The following GPCPD1 variants were observed in gnomAD, a reference collection of about 807,000 sequenced individuals.
GPCPD1 encodes glycerophosphocholine phosphodiesterase GPCPD1.
GPCPD1 carries 29 observed loss-of-function variants against 89.2 expected under a neutral mutation model. The observed-to-expected ratio is 0.33, with a 90% CI of 0.24 to 0.44. The LOEUF is 0.44. Ranked by LOEUF, GPCPD1 falls within the 20% of genes least tolerant of loss-of-function variation. GPCPD1 has a pLI of 1.00. For synonymous variants in GPCPD1, 258 were observed against 266.3 expected (o/e 0.97, Z 0.30); for missense variants, 594 against 808.9 (o/e 0.73, Z 3.22).
chr20:5,561,531 C>T lies in GPCPD1; in HGVS notation c.1330-1G>A. 1.3e-6 allele frequency: 2 copies of T among 1,581,370 alleles called. No individual in the cohort carries two copies. The highest frequency in any genetic ancestry group is 1.7e-6 in the Non-Finnish European group (2 of 1,153,692). ...CATCTTCTGGCAAAGACTCTAAAAC[C>T]TACAGTTTTGTTTGTTGGTAAATTT... On this transcript the variant is annotated splice_acceptor_variant, in intron 15 of 19. Transcript: ENST00000379019. LOFTEE classifies it high-confidence loss of function.
intron 19 of GPCPD1, among the ~76,000 whole-genome samples, chr20:5,555,532 C>G (rs1375407321): frequency 6.6e-6 from 1 of 151,118 alleles, no homozygotes; most frequent in Non-Finnish European, 1.5e-5. Context: ...GAGCGAGACT[C>G]AATCTCAAAA....
intron 19 of GPCPD1, among the ~76,000 whole-genome samples, chr20:5,557,566 A>G (rs1241501941): frequency 6.6e-6 from 1 of 152,174 alleles, no homozygotes; most frequent in Non-Finnish European, 1.5e-5. Context: ...AAAAGTCTAC[A>G]GAGGTCTAGG....
chr20:5,579,579 C>T lies in GPCPD1; in HGVS notation c.473+429G>A, dbSNP rs374125781. Among the ~76,000 whole-genome samples, 7 of 152,300 alleles carry T rather than the reference C, an allele frequency of 4.6e-5. No homozygotes were observed. The East Asian group carries it at 1.2e-3, about 25-fold the overall frequency. On this transcript the variant is annotated intron_variant, in intron 7 of 19. Transcript: ENST00000379019. ...GCCAGTCTGGTCTTGAACTCCCGAC[C>T]TCAGGTGATCTGCCCACCTCGGCCT...
In GPCPD1 at chr20:5,584,383, C is replaced by T. The variant is rs551092894; in HGVS notation, c.308-61G>A. On this transcript the variant is annotated intron_variant, in intron 5 of 19. Transcript: ENST00000379019. ...CTCTTGATGCATACCCAGTGAACAA[C>T]TGAGAAATTACCCACCTTAAAGATC... The T allele has an allele frequency of 1.2e-4, 85 of 738,312 alleles. 1 individual carries two copies. The South Asian group carries it at 1.3e-3, about 11-fold the overall frequency. The allele number at this position is 738,312 out of a possible 1,614,324, so 45.7% of individuals were successfully genotyped here.
rs1343308421 is a variant in GPCPD1, at chr20:5,544,977, G to C, written c.*2684C>G. The C allele has an allele frequency of 6.6e-6, 1 of 152,148 alleles. No homozygotes were observed. Among genetic ancestry groups the C allele is most frequent in the Non-Finnish European group, 1.5e-5 (1 of 68,040 alleles). The allele number at this position is 152,148 out of a possible 1,614,324, so 9.4% of individuals were successfully genotyped here. A position where few individuals can be genotyped will look rare whatever the true frequency, so the allele number is the denominator to read the frequency against. On this transcript the variant is annotated 3_prime_UTR_variant, in exon 20 of 20. Coordinates refer to ENST00000379019, the MANE Select transcript of GPCPD1 (RefSeq NM_019593.5). ...AAGCGCCACAACACTTTCCACACAGGGGTGGGTGGTGTGCCTCACATTTAC... is the reference window on the plus strand; with the variant it reads ...AAGCGCCACAACACTTTCCACACAGCGGTGGGTGGTGTGCCTCACATTTAC...
chr20:5,576,419 CAAAA>C (rs11286776), intron 8 of GPCPD1, among the ~76,000 whole-genome samples: 2 of 90,786 alleles, frequency 2.2e-5, no homozygotes, highest in Non-Finnish European at 2.1e-5. Context: ...CACTCCATCT[CAAAA>C]AAAAAAAAAA....
chr20:5,607,960 T>G (rs1980710704), intron 1 of GPCPD1, among the ~76,000 whole-genome samples: 1 of 152,236 alleles, frequency 6.6e-6, no homozygotes, highest in South Asian at 2.1e-4. Flanking sequence ...CATTTGGTGT[T>G]TACTGCTGCG....
intron 4 of GPCPD1, among the ~76,000 whole-genome samples, chr20:5,592,807 T>A (rs1421097403): frequency 6.6e-6 from 1 of 152,202 alleles, no homozygotes. Flanking sequence ...AGAATAGATA[T>A]GCCAAAGGCC....
chr20:5,547,708 C>A lies in GPCPD1; in HGVS notation c.1972G>T (p.Asp658Tyr). ...FVPSSLCGES[D>Y]IHVDANGIDN... is the part of the protein sequence containing the mutation. ...ATGCCGTTGGCATCCACATGGATAT[C>A]AGACTCCCCACACAAAGATGAGGGA... The change falls in exon 20 of 20, where the codon GAT (aspartate) becomes TAT (tyrosine). Residue 658 changes from aspartate (D) to tyrosine (Y), a missense_variant. Asp to Tyr is a radical substitution (Grantham distance 160, BLOSUM62 -3). Coordinates refer to ENST00000379019, the MANE Select transcript of GPCPD1 (RefSeq NM_019593.5). 6.2e-7 allele frequency: 1 copy of A among 1,610,984 alleles called. No individual in the cohort carries two copies.
chr20:5,549,104 C>T (rs1416686193), intron 19 of GPCPD1: 4 of 650,542 alleles, frequency 6.1e-6, no homozygotes, highest in Non-Finnish European at 1.1e-5. Context: ...TGACTACTCA[C>T]TTTTTAAGGA....
At position 5,575,448 on chromosome 20, in the gene GPCPD1, G is replaced by T. The variant is rs755451663; in HGVS notation, c.966C>A (p.Gly322=). 1 of 1,607,792 alleles carries T rather than the reference G, an allele frequency of 6.2e-7. No homozygotes were observed. The highest frequency in any genetic ancestry group is 1.1e-5 in the South Asian group (1 of 90,778). The change falls in exon 10 of 20, where the codon GGC becomes GGA. Residue 322 remains glycine, a synonymous_variant. Coordinates refer to ENST00000379019, the MANE Select transcript of GPCPD1 (RefSeq NM_019593.5). ...TTGTAGAGTTTCCTGCACCTCGATG[G>T]CCAACATCCAATGGTATTCTTGGCT... is the stretch of plus-strand genomic sequence containing the variant. ...YWKPRIPLDV[G]HRGAGNSTTT... is the part of the protein sequence containing the mutation.
chr20:5,544,828 A>C lies in GPCPD1; in HGVS notation c.*2833T>G, dbSNP rs1042622839. 2 of 152,316 alleles carry C rather than the reference A, an allele frequency of 1.3e-5. No individual in the cohort carries two copies. Among genetic ancestry groups the C allele is most frequent in the African/African-American group, 4.8e-5 (2 of 41,442 alleles). The allele number at this position is 152,316 out of a possible 1,614,324, so 9.4% of individuals were successfully genotyped here. A position where few individuals can be genotyped will look rare whatever the true frequency, so the allele number is the denominator to read the frequency against. On this transcript the variant is annotated 3_prime_UTR_variant, in exon 20 of 20. Coordinates refer to ENST00000379019, the MANE Select transcript of GPCPD1 (RefSeq NM_019593.5). ...CTGCACCTGAGCGGGACACTGAAGG[A>C]AGGCAAAGGAGGTGTTTCAGACAAG... is the stretch of plus-strand genomic sequence containing the variant.
intron 14 of GPCPD1, among the ~76,000 whole-genome samples, chr20:5,566,102 T>A (rs1427248116): frequency 1.3e-5 from 2 of 152,166 alleles, no homozygotes; most frequent in Admixed American, 1.3e-4. Context: ...ACAATCTTTA[T>A]AAAGATATTA....
At chr20:5,577,913 C>T (rs1400983465) in intron 8 of GPCPD1, among the ~76,000 whole-genome samples, 1 of 152,176 alleles carries the variant, frequency 6.6e-6, no homozygotes, top group African/African-American at 2.4e-5. Flanking sequence ...TAACCTGGCA[C>T]AAGCTTTATA....
At chr20:5,603,292 C>CA (rs975951852) in intron 2 of GPCPD1, among the ~76,000 whole-genome samples, 16 of 150,336 alleles carry the variant, frequency 1.1e-4, no homozygotes, top group African/African-American at 2.9e-4. Flanking sequence ...CACTCCATCT[C>CA]AAAAAAAAAG....
intron 2 of GPCPD1, among the ~76,000 whole-genome samples, chr20:5,604,036 T>G (rs1167945895): frequency 6.6e-6 from 1 of 152,190 alleles, no homozygotes; most frequent in Non-Finnish European, 1.5e-5. Context: ...CATAAGCCAC[T>G]GCGCCCGGCC....
chr20:5,547,710 G>A lies in GPCPD1; in HGVS notation c.1970C>T (p.Ser657Phe), dbSNP rs1255182858. 3.7e-6 allele frequency: 6 copies of A among 1,610,724 alleles called. No individual in the cohort carries two copies. The highest frequency in any genetic ancestry group is 1.3e-5 in the African/African-American group (1 of 74,840). The change falls in exon 20 of 20, where the codon TCT becomes TTT. Residue 657 changes from serine (S) to phenylalanine (F), a missense_variant. Physicochemically the swap from Ser to Phe is radical, Grantham distance 155 (BLOSUM62 -2). Transcript: ENST00000379019. ...RFVPSSLCGE[S>F]DIHVDANGID... ...GCCGTTGGCATCCACATGGATATCA[G>A]ACTCCCCACACAAAGATGAGGGAAC...
At chr20:5,608,659 T>G (rs1980756828) in intron 1 of GPCPD1, among the ~76,000 whole-genome samples, 2 of 152,084 alleles carry the variant, frequency 1.3e-5, no homozygotes, top group Non-Finnish European at 2.9e-5. Context: ...GGAAGGTCAG[T>G]TCTGGATATA....
Position 5,575,536 on chromosome 20 carries a change from A to G in GPCPD1, c.878T>C (p.Ile293Thr). 1 of 1,575,806 alleles carries G rather than the reference A, an allele frequency of 6.3e-7. No homozygotes were observed. The highest frequency in any genetic ancestry group is 8.7e-7 in the Non-Finnish European group (1 of 1,149,642). Residue 293 changes from isoleucine (I) to threonine (T), a missense_variant, in exon 10 of 20, where the codon ATA becomes ACA. Coordinates refer to ENST00000379019, the MANE Select transcript of GPCPD1 (RefSeq NM_019593.5). ...KTIGKVRVDY[I>T]IIKPLPGYSC... ...GTATCCTGGTAATGGCTTAATAATT[A>G]TATAGTCAACTTTCATAGGAAAAAA...
Sources: gnomAD v4.1 joint callset for allele counts (sites outside exome capture counted in the v4.1 genomes callset) on GRCh38, gnomAD v4.1.1 for gene constraint, MANE v1.5 for transcripts, NCBI Gene and HGNC (gene_info 2026-07-23, HGNC 2026-07-21) for gene names.